Variants in CHST3 observed in about 807,000 individuals in gnomAD.
CHST3 encodes C6ST-1.
A neutral mutation model predicts 35.4 loss-of-function variants in CHST3; 20 were observed. That is an observed-to-expected ratio of 0.57 (90% CI 0.40 to 0.82). CHST3 has a LOEUF of 0.82. Among genes scored for constraint, CHST3 ranks in the 40% least tolerant of loss-of-function variants. The pLI, the probability that CHST3 is intolerant of heterozygous loss-of-function variation, is 0.00. For missense variants in CHST3, 693 were observed against 670.1 expected, an observed-to-expected ratio of 1.03 and a Z score of -0.38; for synonymous variants, 334 against 295.9, an observed-to-expected ratio of 1.13 and a Z score of -1.32.
At chr10:72,005,627 G>C in intron 1 of CHST3, 109 bp from the exon 2 acceptor site, 1 of 604,856 alleles carries the variant, frequency 1.7e-6, no homozygotes, top group South Asian at 1.9e-5. Flanking sequence ...AGTGGGTCTG[G>C]GGTCCTGGCT....
chr10:72,008,016 G>A lies in CHST3; in HGVS notation c.985G>A (p.Gly329Ser). 6.5e-7 allele frequency: 1 copy of A among 1,549,514 alleles called. No individual in the cohort carries two copies. The highest frequency in any genetic ancestry group is 8.7e-7 in the Non-Finnish European group (1 of 1,146,514). ...CTGGAAGAAGTGGCTGGACGACGAG[G>A]GCCAGGACGGCCTGAGGGAAGAGGA... ...KTWKKWLDDE[G>S]QDGLREEEVQ... Residue 329 changes from glycine to serine, a missense_variant, in exon 3 of 3, where the codon GGC becomes AGC. Coordinates refer to ENST00000373115, the MANE Select transcript of CHST3 (RefSeq NM_004273.5).
In CHST3 at chr10:72,007,691, C is replaced by G; in HGVS notation, c.660C>G (p.Phe220Leu). 6.2e-7 allele frequency: 1 copy of G among 1,607,884 alleles called. No homozygotes were observed. The highest frequency in any genetic ancestry group is 8.5e-7 in the Non-Finnish European group (1 of 1,179,574). Reference sequence around the variant, plus strand: ...AGGACCACCTGACTCAGTTCATGTTCCGCCGGGGCTCCAGCCGCTCCCTGT... The same window carrying G: ...AGGACCACCTGACTCAGTTCATGTTGCGCCGGGGCTCCAGCCGCTCCCTGT... ...LPEDHLTQFM[F>L]RRGSSRSLCE... The change falls in exon 3 of 3, where the codon TTC becomes TTG. Residue 220 changes from phenylalanine to leucine, a missense_variant. Phe to Leu is a conservative substitution (Grantham distance 22). Transcript: ENST00000373115.
At chr10:71,977,747 A>G (rs746496435) in intron 1 of CHST3, among the ~76,000 whole-genome samples, 34 of 152,032 alleles carry the variant, frequency 2.2e-4, no homozygotes, top group Middle Eastern at 3.4e-3. Context: ...TCAGCTCACC[A>G]CAACCTCTGC....
chr10:71,994,895 T>C (rs1415522559), intron 1 of CHST3, among the ~76,000 whole-genome samples: 1 of 152,208 alleles, frequency 6.6e-6, no homozygotes, highest in Non-Finnish European at 1.5e-5. Flanking sequence ...TTAAACCTCA[T>C]GAACCAACCA....
rs528622999 is a variant in CHST3, at chr10:71,997,538, A to G, written c.-107-8198A>G. Reference sequence around the variant, plus strand: ...TGCCCTCTTCTAATGTATTTTTCATACCACTTCCAAAGTGATAATACATTC... The same window carrying G: ...TGCCCTCTTCTAATGTATTTTTCATGCCACTTCCAAAGTGATAATACATTC... On this transcript the variant is annotated intron_variant, in intron 1 of 2. Transcript: ENST00000373115. 3.0e-3 allele frequency among the ~76,000 whole-genome samples: 451 copies of G among 152,242 alleles called. 1 individual carries two copies. The highest frequency in any genetic ancestry group is 5.1e-3 in the Non-Finnish European group (346 of 68,034).
intron 1 of CHST3, among the ~76,000 whole-genome samples, chr10:71,969,875 C>T (rs757834874): frequency 3.9e-5 from 6 of 152,182 alleles, no homozygotes; most frequent in Non-Finnish European, 5.9e-5. Context: ...GTCTTTGCTG[C>T]GAAGGAACAC....
chr10:71,998,955 C>G (rs982820889), intron 1 of CHST3, among the ~76,000 whole-genome samples: 2 of 152,146 alleles, frequency 1.3e-5, no homozygotes, highest in Non-Finnish European at 2.9e-5. Flanking sequence ...ATTCACTTCC[C>G]GTTCTTTCAT....
At chr10:71,971,557 T>G (rs1033167435) in intron 1 of CHST3, among the ~76,000 whole-genome samples, 60 of 152,258 alleles carry the variant, frequency 3.9e-4, no homozygotes, top group African/African-American at 1.3e-3. Flanking sequence ...CCTTTCCCGC[T>G]TCCCCCTCCT....
At chr10:71,967,127 C>T (rs1274169547) in intron 1 of CHST3, among the ~76,000 whole-genome samples, 1 of 152,228 alleles carries the variant, frequency 6.6e-6, no homozygotes, top group Non-Finnish European at 1.5e-5. Flanking sequence ...CCCAGCCTCC[C>T]GAGTAGCTGG....
At chr10:71,994,464 G>A (rs1012227227) in intron 1 of CHST3, among the ~76,000 whole-genome samples, 100 of 152,104 alleles carry the variant, frequency 6.6e-4, no homozygotes, top group African/African-American at 2.0e-3. Context: ...GTCAACAGTG[G>A]GCTTAAAATA....
chr10:71,971,203 G>A (rs1027933992), intron 1 of CHST3, among the ~76,000 whole-genome samples: 3 of 152,164 alleles, frequency 2.0e-5, no homozygotes, highest in African/African-American at 7.2e-5. Context: ...CTGAGTCAGC[G>A]AGCCCTGAAG....
intron 1 of CHST3, among the ~76,000 whole-genome samples, chr10:71,975,801 A>T (rs936135852): frequency 1.3e-5 from 2 of 152,336 alleles, no homozygotes; most frequent in East Asian, 1.9e-4. Context: ...TGCCGCCCTC[A>T]GTCAGGCCAG....
chr10:71,965,568 C>G lies in CHST3; in HGVS notation c.-108+874C>G, dbSNP rs192352452. Among the ~76,000 whole-genome samples the G allele has an allele frequency of 7.1e-4, 108 of 152,282 alleles. 2 individuals are homozygous for G. Among genetic ancestry groups the G allele is most frequent in the African/African-American group, 2.5e-3 (104 of 41,552 alleles). ...TAGGGAGAAACCAAGGCAGGCCTGA[C>G]GCCTTCATTATTTTCCTTGCACCTG... On this transcript the variant is annotated intron_variant, in intron 1 of 2. Coordinates refer to ENST00000373115, the MANE Select transcript of CHST3 (RefSeq NM_004273.5).
At chr10:72,006,134 C>A in intron 2 of CHST3, 152 bp downstream of exon 2, 1 of 979,952 alleles carries the variant, frequency 1.0e-6, no homozygotes, top group Non-Finnish European at 1.6e-6. Context: ...GTGGCTCCTG[C>A]ACACGTCCTC....
In CHST3 at chr10:72,005,997, C is replaced by T. The variant is rs781364878; in HGVS notation, c.140+15C>T. ...ATCATATCAAGGTGAGGGTTGCAAG[C>T]CCAAGTCTTCATCTTCCTTTCAAGG... On this transcript the variant is annotated intron_variant, in intron 2 of 2. Coordinates refer to ENST00000373115, the MANE Select transcript of CHST3 (RefSeq NM_004273.5). 1 of 1,610,398 alleles carries T rather than the reference C, an allele frequency of 6.2e-7. No homozygotes were observed. Among genetic ancestry groups the T allele is most frequent in the South Asian group, 1.1e-5 (1 of 91,012 alleles).
intron 1 of CHST3, among the ~76,000 whole-genome samples, chr10:71,978,349 G>C (rs1212060616): frequency 6.6e-6 from 1 of 151,336 alleles, no homozygotes; most frequent in Non-Finnish European, 1.5e-5. Context: ...CTAGGCGATA[G>C]ACCGAGCCTC....
At chr10:71,969,488 G>A (rs1026498931) in intron 1 of CHST3, among the ~76,000 whole-genome samples, 1 of 152,188 alleles carries the variant, frequency 6.6e-6, no homozygotes, top group African/African-American at 2.4e-5. Context: ...TCCATAGAAC[G>A]GGAAAGGCTG....
chr10:71,973,471 G>A (rs779236621), intron 1 of CHST3, among the ~76,000 whole-genome samples: 14 of 152,258 alleles, frequency 9.2e-5, no homozygotes, highest in Non-Finnish European at 1.9e-4. Context: ...GTTTCCCTGA[G>A]CAGAGAGAAG....
intron 1 of CHST3, among the ~76,000 whole-genome samples, chr10:71,972,265 C>T (rs1398320596): frequency 6.6e-6 from 1 of 152,214 alleles, no homozygotes; most frequent in Non-Finnish European, 1.5e-5. Flanking sequence ...TCAGTACCAC[C>T]TGTGCGTGCG....
Sources: gnomAD v4.1 joint callset for allele counts (sites outside exome capture counted in the v4.1 genomes callset) on GRCh38, gnomAD v4.1.1 for gene constraint, MANE v1.5 for transcripts, NCBI Gene and HGNC (gene_info 2026-07-23, HGNC 2026-07-21) for gene names.